SLC24A2: variants seen among roughly 807,000 people sequenced by gnomAD.
SLC24A2 encodes the protein solute carrier family 24 member 2.
SLC24A2 carries 36 observed loss-of-function variants against 62.0 expected under a neutral mutation model. That is an observed-to-expected ratio of 0.58 (90% CI 0.44 to 0.77). The LOEUF (loss-of-function observed/expected upper bound fraction) is 0.77. Ranked by LOEUF, SLC24A2 falls within the 30% of genes least tolerant of loss-of-function variation. The pLI is 0.00. For missense variants in SLC24A2, 846 were observed against 817.9 expected, an observed-to-expected ratio of 1.03 and a Z score of -0.42; for synonymous variants, 358 against 294.0, an observed-to-expected ratio of 1.22 and a Z score of -2.23.
chr9:19,965,170 T>A, the SLC24A2 span, among the ~76,000 whole-genome samples: 3 of 151,984 alleles, frequency 2.0e-5, no homozygotes, highest in Non-Finnish European at 4.4e-5. Flanking sequence ...AGTAATACCA[T>A]AACCACTTGT....
At chr9:19,757,539 A>T (rs1003173) in intron 2 of SLC24A2, among the ~76,000 whole-genome samples, 1 of 151,928 alleles carries the variant, frequency 6.6e-6, no homozygotes, top group Non-Finnish European at 1.5e-5. Flanking sequence ...TAGTCCAATG[A>T]TAATTAAAAA....
At chr9:20,226,375 T>C in the SLC24A2 span, among the ~76,000 whole-genome samples, 1 of 152,156 alleles carries the variant, frequency 6.6e-6, no homozygotes, top group African/African-American at 2.4e-5. Flanking sequence ...TTTGTGGCCA[T>C]GTACGTATAA....
chr9:19,805,847 A>C, the SLC24A2 span, among the ~76,000 whole-genome samples: 1 of 151,878 alleles, frequency 6.6e-6, no homozygotes. Context: ...AAAAAAAAAA[A>C]AAGCAAACTT....
At chr9:19,703,561 T>C (rs926760992) in intron 2 of SLC24A2, among the ~76,000 whole-genome samples, 1 of 152,204 alleles carries the variant, frequency 6.6e-6, no homozygotes, top group Non-Finnish European at 1.5e-5. Context: ...TGAAAATATT[T>C]AGCAAGTGAG....
At chr9:20,057,784 A>G in the SLC24A2 span, among the ~76,000 whole-genome samples, 1 of 152,186 alleles carries the variant, frequency 6.6e-6, no homozygotes, top group Non-Finnish European at 1.5e-5. Context: ...TAGTAACTTA[A>G]AACTGTGTGA....
At chr9:20,045,508 T>G in the SLC24A2 span, among the ~76,000 whole-genome samples, 1 of 152,160 alleles carries the variant, frequency 6.6e-6, no homozygotes, top group Non-Finnish European at 1.5e-5. Flanking sequence ...CTTGGCTTAC[T>G]GCAATCTCTG....
the SLC24A2 span, among the ~76,000 whole-genome samples, chr9:20,074,949 G>A: frequency 1.3e-5 from 2 of 152,128 alleles, no homozygotes; most frequent in East Asian, 1.9e-4. Flanking sequence ...CCTCTAATAT[G>A]TTATGGGATT....
chr9:19,951,227 TG>T, the SLC24A2 span, among the ~76,000 whole-genome samples: 1 of 36,532 alleles, frequency 2.7e-5, no homozygotes, highest in African/African-American at 1.1e-4. Context: ...TTTCTTAAGT[TG>T]TGTGTGTGTG....
At chr9:19,649,469 TA>T (rs1354418450) in intron 2 of SLC24A2, among the ~76,000 whole-genome samples, 6 of 152,080 alleles carry the variant, frequency 3.9e-5, no homozygotes, top group African/African-American at 1.4e-4. Flanking sequence ...ATGTTCATGA[TA>T]GGGGTGGGGG....
the SLC24A2 span, among the ~76,000 whole-genome samples, chr9:20,058,674 G>T: frequency 6.6e-6 from 1 of 152,184 alleles, no homozygotes; most frequent in Non-Finnish European, 1.5e-5. Flanking sequence ...TTAGCACTTT[G>T]GAAGATCACT....
chr9:19,958,469 G>C, the SLC24A2 span, among the ~76,000 whole-genome samples: 1 of 152,200 alleles, frequency 6.6e-6, no homozygotes. Flanking sequence ...TTATGGTGCA[G>C]TCAGGACCCA....
chr9:19,530,706 C>A (rs1833666508), intron 8 of SLC24A2, among the ~76,000 whole-genome samples: 1 of 152,142 alleles, frequency 6.6e-6, no homozygotes, highest in African/African-American at 2.4e-5. Context: ...GCCCATGATT[C>A]TTAATCAAGA....
At chr9:19,684,296 C>T (rs1174019694) in intron 2 of SLC24A2, among the ~76,000 whole-genome samples, 1 of 152,112 alleles carries the variant, frequency 6.6e-6, no homozygotes, top group Non-Finnish European at 1.5e-5. Flanking sequence ...GGCTGCTGCA[C>T]TGAAGGACAT....
At chr9:19,761,046 TAACTTA>T (rs528099698) in intron 2 of SLC24A2, among the ~76,000 whole-genome samples, 156 of 152,266 alleles carry the variant, frequency 1.0e-3, no homozygotes, top group African/African-American at 2.9e-3. Flanking sequence ...CAGGTACCTT[TAACTTA>T]AAGTATAATA....
the SLC24A2 span, among the ~76,000 whole-genome samples, chr9:20,283,220 C>G: frequency 2.6e-5 from 4 of 152,188 alleles, no homozygotes; most frequent in Non-Finnish European, 5.9e-5. Flanking sequence ...TAGTTATTGG[C>G]CATGTGTATT....
the SLC24A2 span, among the ~76,000 whole-genome samples, chr9:20,228,459 C>A: frequency 6.6e-6 from 1 of 151,774 alleles, no homozygotes. Flanking sequence ...AGAGAGCTGG[C>A]ACCCCAAATT....
the SLC24A2 span, among the ~76,000 whole-genome samples, chr9:20,232,698 G>T: frequency 6.6e-6 from 1 of 151,982 alleles, no homozygotes; most frequent in Non-Finnish European, 1.5e-5. Flanking sequence ...TCCTGGATTC[G>T]TTAATTTTTT....
intron 8 of SLC24A2, among the ~76,000 whole-genome samples, chr9:19,539,455 A>C (rs199704248): frequency 5.3e-5 from 8 of 151,504 alleles, no homozygotes; most frequent in South Asian, 2.1e-4. Context: ...CCTTCATTTC[A>C]TTATGTACCC....
At chr9:19,961,019 G>GGGGT in the SLC24A2 span, among the ~76,000 whole-genome samples, 31 of 80,410 alleles carry the variant, frequency 3.9e-4, no homozygotes, top group Middle Eastern at 6.9e-3. Context: ...GGATTAGAGG[G>GGGGT]GTGGGTGTGT....
Sources: allele counts gnomAD v4.1 joint callset (sites outside exome capture counted in the v4.1 genomes callset), GRCh38; gene constraint gnomAD v4.1.1; transcripts MANE v1.5; gene names NCBI Gene and HGNC (gene_info 2026-07-23, HGNC 2026-07-21).